The following TTYH2 variants were observed in gnomAD, a reference collection of about 807,000 sequenced individuals.
The protein encoded by TTYH2 is tweety family member 2, also known as protein tweety homolog 2.
Under a neutral mutation model 68.3 loss-of-function variants are expected in TTYH2, and 49 were observed. That is an observed-to-expected ratio of 0.72 (90% CI 0.57 to 0.91). TTYH2 has a LOEUF of 0.91. Among genes scored for constraint, TTYH2 ranks in the 40% least tolerant of loss-of-function variants. The pLI is 0.00. For missense variants in TTYH2, 631 were observed against 700.4 expected (o/e 0.90, Z 1.12); for synonymous variants, 272 against 300.8 (o/e 0.90, Z 0.99).
At chr17:74,249,463 A>C (rs374728045) in intron 8 of TTYH2, 64 bp downstream of exon 8, 3 of 1,570,618 alleles carry the variant, frequency 1.9e-6, no homozygotes, top group East Asian at 4.5e-5. Flanking sequence ...CCTAAGCCTC[A>C]CCACTGACCA....
chr17:74,221,186 T>C (rs1459412371), intron 1 of TTYH2, among the ~76,000 whole-genome samples: 1 of 152,180 alleles, frequency 6.6e-6, no homozygotes, highest in Non-Finnish European at 1.5e-5. Context: ...TCACTTCAGC[T>C]GAGAAGTCTG....
intron 6 of TTYH2, among the ~76,000 whole-genome samples, chr17:74,247,742 G>C (rs2050573920): frequency 1.3e-5 from 2 of 152,218 alleles, no homozygotes; most frequent in South Asian, 4.1e-4. Flanking sequence ...AGGCCTGCTG[G>C]CGCCGCAGCT....
At position 74,214,204 on chromosome 17, in the gene TTYH2, C is replaced by T. The variant is rs970980931; in HGVS notation, c.129+488C>T. 2.0e-5 allele frequency among the ~76,000 whole-genome samples: 3 copies of T among 152,016 alleles called. No homozygotes were observed. The highest frequency in any genetic ancestry group is 7.3e-5 in the African/African-American group (3 of 41,370). ...AGAAACTGAGTAGAGTCTCCCGAGTCGGTCTTCGCAGCACCCCTCCTCCCC... is the reference window on the plus strand; with the variant it reads ...AGAAACTGAGTAGAGTCTCCCGAGTTGGTCTTCGCAGCACCCCTCCTCCCC... On this transcript the variant is annotated intron_variant, in intron 1 of 13. Coordinates refer to ENST00000269346, the MANE Select transcript of TTYH2 (RefSeq NM_032646.6). The surrounding 1 kb of genome is among the most constrained non-coding windows in gnomAD (Gnocchi z 4.6).
chr17:74,234,225 C>T (rs967357630), intron 3 of TTYH2, among the ~76,000 whole-genome samples: 5 of 152,210 alleles, frequency 3.3e-5, no homozygotes, highest in Non-Finnish European at 5.9e-5. Context: ...GTGCATCTTA[C>T]GCCCCTAGTC....
chr17:74,253,114 C>T lies in TTYH2; in HGVS notation c.1293C>T (p.Asp431=). Residue 431 remains aspartate (D), a synonymous_variant, in exon 12 of 14, where the codon GAC becomes GAT. Coordinates refer to ENST00000269346, the MANE Select transcript of TTYH2 (RefSeq NM_032646.6). ...ACTACGATGACATTGATGATGATGA[C>T]CCCTTTAACCCCCAAGCCTGGCGCA... ...NRDYDDIDDD[D]PFNPQAWRMA... The T allele has an allele frequency of 6.2e-7, 1 of 1,613,588 alleles. No individual in the cohort carries two copies. Among genetic ancestry groups the T allele is most frequent in the African/African-American group, 1.3e-5 (1 of 75,008 alleles).
intron 3 of TTYH2, among the ~76,000 whole-genome samples, chr17:74,233,389 A>G (rs1376304800): frequency 6.6e-6 from 1 of 152,198 alleles, no homozygotes; most frequent in Non-Finnish European, 1.5e-5. Flanking sequence ...CTAGTGAGAT[A>G]ATGTCAGTGA....
intron 3 of TTYH2, among the ~76,000 whole-genome samples, chr17:74,236,796 G>A (rs565402831): frequency 2.8e-4 from 43 of 152,228 alleles, no homozygotes; most frequent in African/African-American, 7.0e-4. Flanking sequence ...GGGTAGTGGC[G>A]GCCTCTGTCT....
chr17:74,226,083 A>G (rs1004731719), intron 2 of TTYH2, among the ~76,000 whole-genome samples: 1 of 152,232 alleles, frequency 6.6e-6, no homozygotes, highest in Admixed American at 6.5e-5. Context: ...CCTCCAAGGC[A>G]AGGGACATTG....
chr17:74,229,746 G>C (rs966469136), intron 2 of TTYH2, among the ~76,000 whole-genome samples: 1 of 152,210 alleles, frequency 6.6e-6, no homozygotes, highest in Non-Finnish European at 1.5e-5. Flanking sequence ...ATATTACTAA[G>C]CGAAAGAAGC....
intron 3 of TTYH2, among the ~76,000 whole-genome samples, chr17:74,231,616 G>A (rs1316490720): frequency 1.3e-5 from 2 of 152,006 alleles, no homozygotes; most frequent in African/African-American, 4.8e-5. Flanking sequence ...AGCGGAGGTT[G>A]CAGTGAGCCA....
At chr17:74,248,525 G>T (rs2050584688) in intron 6 of TTYH2, 1 of 993,914 alleles carries the variant, frequency 1.0e-6, no homozygotes, top group Non-Finnish European at 1.2e-6. Context: ...GAAAGAGTTT[G>T]GGGGAGGCTT....
intron 3 of TTYH2, among the ~76,000 whole-genome samples, chr17:74,235,974 C>G (rs2050439529): frequency 6.6e-6 from 1 of 151,876 alleles, no homozygotes; most frequent in South Asian, 2.1e-4. Flanking sequence ...AGAGGGTAGC[C>G]CTGCTCTGCA....
chr17:74,251,084 GGTGTA>G (rs2050619231), intron 10 of TTYH2, among the ~76,000 whole-genome samples: 3 of 59,192 alleles, frequency 5.1e-5, no homozygotes, highest in Non-Finnish European at 8.0e-5. Flanking sequence ...GTGCACTTGT[GGTGTA>G]TATGTCTGTG....
intron 10 of TTYH2, 78 bp downstream of exon 10, chr17:74,250,435 A>G: frequency 7.9e-7 from 1 of 1,260,532 alleles, no homozygotes; most frequent in Non-Finnish European, 1.1e-6. Context: ...AAGCCGGTAG[A>G]GGCCGAGGGG....
chr17:74,247,661 G>T (rs1004085979), intron 6 of TTYH2, among the ~76,000 whole-genome samples: 6 of 152,264 alleles, frequency 3.9e-5, no homozygotes, highest in African/African-American at 1.4e-4. Context: ...TTTCCCCAAG[G>T]CTTCCCCATC....
intron 13 of TTYH2, among the ~76,000 whole-genome samples, chr17:74,256,210 C>T (rs1380804720): frequency 1.3e-5 from 2 of 152,138 alleles, no homozygotes; most frequent in Non-Finnish European, 2.9e-5. Context: ...TAATAGGTGG[C>T]GTTTGAGCCA....
rs1193588865 is a variant in TTYH2, at chr17:74,213,941, GAGT to G, written c.129+226_129+228del. Among the ~76,000 whole-genome samples the G allele has an allele frequency of 1.3e-5, 2 of 152,082 alleles. No individual in the cohort carries two copies. The highest frequency in any genetic ancestry group is 3.9e-4 in the East Asian group (2 of 5,148). On this transcript the variant is annotated intron_variant, in intron 1 of 13. Transcript: ENST00000269346. The surrounding 1 kb of genome is among the most constrained non-coding windows in gnomAD (Gnocchi z 6.1). ...GGGGCCGGGAAAACTGAAGAGATCAGAGTGAAGCGAGCGTGGGGAAGGGGAGGA... is the reference window on the plus strand; with the variant it reads ...GGGGCCGGGAAAACTGAAGAGATCAGGAAGCGAGCGTGGGGAAGGGGAGGA...
Position 74,249,099 on chromosome 17 carries a change from G to T in TTYH2, c.874+19G>T. On this transcript the variant is annotated intron_variant, in intron 7 of 13. Coordinates refer to ENST00000269346, the MANE Select transcript of TTYH2 (RefSeq NM_032646.6). ...AGCACAGGTAACTACACACTCTCAG[G>T]CTGCTGCTGTGGATGCATAGGTGGC... The T allele has an allele frequency of 6.2e-7, 1 of 1,614,028 alleles. No homozygotes were observed. The highest frequency in any genetic ancestry group is 8.5e-7 in the Non-Finnish European group (1 of 1,179,984).
chr17:74,218,167 C>T (rs576867404), intron 1 of TTYH2, among the ~76,000 whole-genome samples: 1 of 146,188 alleles, frequency 6.8e-6, no homozygotes, highest in African/African-American at 2.6e-5. Flanking sequence ...GAAGAGGGTG[C>T]TGCTGGTTAG....
Sources: gnomAD v4.1 joint callset for allele counts (sites outside exome capture counted in the v4.1 genomes callset) on GRCh38, gnomAD v4.1.1 for gene constraint, Gnocchi (gnomAD v3.1) non-coding constraint, MANE v1.5 for transcripts, NCBI Gene and HGNC (gene_info 2026-07-23, HGNC 2026-07-21) for gene names.